FRMPD4: variants seen among roughly 807,000 people sequenced by gnomAD.
FRMPD4 encodes FERM and PDZ domain containing 4.
In FRMPD4, 22 loss-of-function variants were observed where a neutral mutation model predicts 94.1. That is an observed-to-expected ratio of 0.23 (90% CI 0.17 to 0.33). The LOEUF (loss-of-function observed/expected upper bound fraction) is 0.33, where lower values mean the gene tolerates loss of function less well. FRMPD4 is among the 10% of genes least tolerant of loss of function. The pLI is 1.00. For synonymous variants in FRMPD4, 631 were observed against 548.6 expected, an observed-to-expected ratio of 1.15 and a Z score of -2.10; for missense variants, 1,111 against 1,339.9, an observed-to-expected ratio of 0.83 and a Z score of 2.67.
At chrX:12,249,541 GGAGA>G (rs1042142685) in intron 1 of FRMPD4, among the ~76,000 whole-genome samples, 2 of 111,110 alleles carry the variant, frequency 1.8e-5, no homozygotes, top group African/African-American at 6.6e-5. Context: ...AGGATAAAGA[GGAGA>G]GAGGTTTGCT....
chrX:12,476,523 A>G (rs1023334380), intron 1 of FRMPD4, among the ~76,000 whole-genome samples: 4 of 110,760 alleles, frequency 3.6e-5, no homozygotes, highest in African/African-American at 6.6e-5. Flanking sequence ...CAGAGTGAAC[A>G]GGCAACCTAC....
chrX:11,930,107 C>CAAAAAAAAAA (rs55973946), intron 3 of FRMPD4, among the ~76,000 whole-genome samples: 1,378 of 13,261 alleles, frequency 0.1, 365 homozygotes, highest in East Asian at 0.39. Context: ...GACTCTGTCT[C>CAAAAAAAAAA]AAAAAAAAAA....
chrX:12,677,918 G>A (rs983652266), intron 5 of FRMPD4, among the ~76,000 whole-genome samples: 2 of 111,927 alleles, frequency 1.8e-5, no homozygotes, highest in Admixed American at 1.9e-4. Context: ...CCACCACCAC[G>A]ATTTTTACTG....
At chrX:12,033,908 G>A (rs1178837658) in intron 3 of FRMPD4, among the ~76,000 whole-genome samples, 4 of 111,733 alleles carry the variant, frequency 3.6e-5, no homozygotes, top group African/African-American at 1.3e-4. Context: ...TATTGGTCAG[G>A]CTGGTCTCGA....
chrX:11,865,878 T>C (rs534460743), intron 2 of FRMPD4, among the ~76,000 whole-genome samples: 31 of 112,275 alleles, frequency 2.8e-4, no homozygotes, highest in East Asian at 8.4e-4. Flanking sequence ...AGGTCTCTTA[T>C]GATGTCTTAT....
At chrX:12,331,362 A>G (rs2055371028) in intron 1 of FRMPD4, among the ~76,000 whole-genome samples, 1 of 105,781 alleles carries the variant, frequency 9.5e-6, no homozygotes, top group Non-Finnish European at 1.9e-5. Flanking sequence ...AGTCCAGCAA[A>G]TAACTCCTCC....
chrX:12,085,714 AT>A (rs2147489793), intron 3 of FRMPD4, among the ~76,000 whole-genome samples: 1 of 110,796 alleles, frequency 9.0e-6, no homozygotes, highest in Admixed American at 9.6e-5. Flanking sequence ...TCTACAAAAA[AT>A]ATAAAAATTA....
intron 3 of FRMPD4, among the ~76,000 whole-genome samples, chrX:11,967,767 T>TG (rs1396147675): frequency 5.8e-4 from 60 of 103,640 alleles, no homozygotes; most frequent in African/African-American, 2.0e-3. Flanking sequence ...TTTTTTTTTT[T>TG]TTTTTTTTTT....
At chrX:12,104,966 G>C (rs974920979) in intron 3 of FRMPD4, among the ~76,000 whole-genome samples, 16 of 111,404 alleles carry the variant, frequency 1.4e-4, no homozygotes, top group African/African-American at 4.6e-4. Context: ...TCAAACGGTG[G>C]CCTTCTCTAG....
At chrX:12,010,959 G>A (rs745870402) in intron 3 of FRMPD4, among the ~76,000 whole-genome samples, 19 of 112,033 alleles carry the variant, frequency 1.7e-4, no homozygotes, top group Non-Finnish European at 1.3e-4. Context: ...AGCAAGCAAC[G>A]CATTTGGCAG....
chrX:12,065,290 C>T (rs1056298571), intron 3 of FRMPD4, among the ~76,000 whole-genome samples: 1 of 111,974 alleles, frequency 8.9e-6, no homozygotes, highest in Non-Finnish European at 1.9e-5. Flanking sequence ...TGAGCCACTG[C>T]GAGAAGCAGG....
rs1478269492 is a variant in FRMPD4 at position 12,193,838 on chromosome X, G to GGAAGGAAGGAAGGAAGGAAAGA, written c.41+54826_41+54827insGAAGGAAGGAAGGAAGGAAAGA. The stretch of plus-strand genomic sequence containing the variant: ...AGGAAGGAAGGAAGGAGGGAAGGAA[G>GGAAGGAAGGAAGGAAGGAAAGA]AAAGAAAAGAAAGAAAAAGGAAGGA... On this transcript the variant is annotated intron_variant, in intron 1 of 16. Transcript: ENST00000675598. Among the ~76,000 whole-genome samples, 7 of 59,957 alleles carry GGAAGGAAGGAAGGAAGGAAAGA rather than the reference G, an allele frequency of 1.2e-4. 1 individual carries two copies. The highest frequency in any genetic ancestry group is 2.4e-4 in the Admixed American group (1 of 4,131). 52.1% of individuals were successfully genotyped at this position (59,957 alleles called of 115,157 possible).
chrX:12,118,799 A>T (rs778887917), intron 3 of FRMPD4, among the ~76,000 whole-genome samples: 3 of 112,325 alleles, frequency 2.7e-5, no homozygotes, highest in Admixed American at 9.4e-5. Flanking sequence ...AATGCAGCCA[A>T]GCTTCATGAG....
intron 3 of FRMPD4, among the ~76,000 whole-genome samples, chrX:12,051,924 T>C (rs2054820917): frequency 8.9e-6 from 1 of 111,843 alleles, no homozygotes; most frequent in African/African-American, 3.2e-5. Flanking sequence ...TTACAAATGC[T>C]TCAGAAGCAC....
chrX:12,482,528 C>G lies in FRMPD4; in HGVS notation c.42-16152C>G, dbSNP rs763982770. On this transcript the variant is annotated intron_variant, in intron 1 of 16. Coordinates refer to ENST00000675598, the MANE Select transcript of FRMPD4 (RefSeq NM_001368397.1). ...AGCCTAGAACTGATAGACAAGTCAC[C>G]AGGCAAATTAGCAAAAGGAATGGGG... Among the ~76,000 whole-genome samples the G allele has an allele frequency of 9.8e-5, 11 of 111,729 alleles. No homozygotes were observed. In the South Asian group the frequency reaches 4.2e-3, roughly 43 times the overall value.
chrX:12,264,737 T>A (rs1360480063), intron 1 of FRMPD4, among the ~76,000 whole-genome samples: 2 of 112,353 alleles, frequency 1.8e-5, no homozygotes, highest in Admixed American at 1.9e-4. Context: ...CAGCTACTGT[T>A]TGGTTGATTT....
chrX:12,214,164 A>G (rs2056781314), intron 1 of FRMPD4, among the ~76,000 whole-genome samples: 1 of 112,061 alleles, frequency 8.9e-6, no homozygotes, highest in Non-Finnish European at 1.9e-5. Flanking sequence ...GAATCACTGA[A>G]GCTTTTTCCC....
intron 1 of FRMPD4, among the ~76,000 whole-genome samples, chrX:12,470,146 T>TA (rs1250855597): frequency 8.9e-6 from 1 of 112,011 alleles, no homozygotes; most frequent in East Asian, 2.8e-4. Context: ...GAGCCACAGT[T>TA]AAAATCAGTA....
chrX:12,655,610 G>C (rs2059646427), intron 4 of FRMPD4, among the ~76,000 whole-genome samples: 1 of 112,040 alleles, frequency 8.9e-6, no homozygotes. Context: ...TATGTTTAGT[G>C]AACTTAAATT....
Sources: allele counts gnomAD v4.1 joint callset (sites outside exome capture counted in the v4.1 genomes callset), GRCh38; gene constraint gnomAD v4.1.1; transcripts MANE v1.5; gene names NCBI Gene and HGNC (gene_info 2026-07-23, HGNC 2026-07-21).